TTK: variants seen among roughly 807,000 people sequenced by gnomAD.
TTK encodes the protein dual specificity protein kinase TTK.
In TTK, 59 loss-of-function variants were observed where a neutral mutation model predicts 117.3. The observed-to-expected ratio is 0.50, with a 90% CI of 0.41 to 0.62. The LOEUF (loss-of-function observed/expected upper bound fraction) is 0.62, where lower values mean the gene tolerates loss of function less well. TTK is among the 20% of genes least tolerant of loss of function. The pLI, the probability that TTK is intolerant of heterozygous loss-of-function variation, is 0.00. For missense variants in TTK, 921 were observed against 989.4 expected (o/e 0.93, Z 0.93); for synonymous variants, 302 against 325.0 (o/e 0.93, Z 0.76).
chr6:80,021,933 A>G (rs1767469520), intron 10 of TTK, among the ~76,000 whole-genome samples: 1 of 152,166 alleles, frequency 6.6e-6, no homozygotes, highest in Non-Finnish European at 1.5e-5. Context: ...GAAAGCAAAA[A>G]GGAAAAAAAA....
chr6:80,010,385 T>G (rs1767109535), intron 4 of TTK, among the ~76,000 whole-genome samples: 2 of 151,162 alleles, frequency 1.3e-5, no homozygotes, highest in African/African-American at 4.9e-5. Flanking sequence ...TAAATGTCAT[T>G]ATGAATGATA....
At chr6:80,022,916 C>T (rs906973260) in intron 11 of TTK, among the ~76,000 whole-genome samples, 2 of 152,160 alleles carry the variant, frequency 1.3e-5, no homozygotes, top group African/African-American at 4.8e-5. Flanking sequence ...TCTGAACTAG[C>T]GCAGTGCTGT....
At chr6:80,006,073 C>T (rs762793419) in intron 2 of TTK, 91 bp downstream of exon 2, 137 of 1,490,458 alleles carry the variant, frequency 9.2e-5, no homozygotes, top group Non-Finnish European at 1.2e-4. Context: ...TTATAATTTA[C>T]TCATGTGTTT....
chr6:80,039,840 A>G lies in TTK; in HGVS notation c.2275A>G (p.Ile759Val). 1 of 1,581,920 alleles carries G rather than the reference A, an allele frequency of 6.3e-7. No individual in the cohort carries two copies. The highest frequency in any genetic ancestry group is 1.4e-5 in the African/African-American group (1 of 73,622). Reference sequence around the variant, plus strand: ...TAATCATGAAATTGAATTTCCCGATATTCCAGAGAAAGATCTTCAAGATGT... The same window carrying G: ...TAATCATGAAATTGAATTTCCCGATGTTCCAGAGAAAGATCTTCAAGATGT... Reference protein sequence around the residue: ...DPNHEIEFPDIPEKDLQDVLK... With the variant: ...DPNHEIEFPDVPEKDLQDVLK... The change falls in exon 19 of 22, where the codon ATT becomes GTT. Residue 759 changes from isoleucine (I) to valine (V), a missense_variant. By Grantham distance (29) the Ile-to-Val change is conservative (BLOSUM62 3). Coordinates refer to ENST00000369798, the MANE Select transcript of TTK (RefSeq NM_003318.5).
At chr6:80,040,173 T>G in intron 19 of TTK, 23 bp from the exon 20 acceptor site, 2 of 1,515,954 alleles carry the variant, frequency 1.3e-6, no homozygotes, top group Non-Finnish European at 1.8e-6. Flanking sequence ...TGTTTTTCTT[T>G]TAAAATATCT....
In TTK at chr6:80,039,683, G is replaced by GT. The variant is rs1767995214; in HGVS notation, c.2131-6dup. On this transcript the variant is annotated splice_polypyrimidine_tract_variant and intron_variant, in intron 18 of 21. Transcript: ENST00000369798. ...AACAGCAACTTTTTTGTGTTTGTTT[G>GT]TTTTTTTCTTAGATAAGCCCCAAAA... is the stretch of plus-strand genomic sequence containing the variant. 3 of 1,482,876 alleles carry GT rather than the reference G, an allele frequency of 2.0e-6. No homozygotes were observed. Among genetic ancestry groups the GT allele is most frequent in the Non-Finnish European group, 8.9e-7 (1 of 1,121,906 alleles). The allele number at this position is 1,482,876 out of a possible 1,614,324, so 91.9% of individuals were successfully genotyped here.
At chr6:80,012,768 C>A (rs2127717138) in intron 8 of TTK, among the ~76,000 whole-genome samples, 1 of 152,122 alleles carries the variant, frequency 6.6e-6, no homozygotes. Context: ...AAAGTCTTAT[C>A]ACTATGATTT....
Position 80,010,858 on chromosome 6 carries a change from C to T in TTK, c.514C>T (p.Arg172Cys), listed in dbSNP as rs772451937. ...SKQLLQKAVE[R>C]GAVPLEMLEI... ...ACAACTTCTTCAAAAAGCTGTAGAA[C>T]GTGGAGCAGTACCACTAGAAATGCT... The change falls in exon 5 of 22, where the codon CGT becomes TGT. Residue 172 changes from arginine (R) to cysteine (C), a missense_variant. Coordinates refer to ENST00000369798, the MANE Select transcript of TTK (RefSeq NM_003318.5). The T allele has an allele frequency of 3.8e-5, 62 of 1,611,442 alleles. No individual in the cohort carries two copies. The highest frequency in any genetic ancestry group is 5.1e-5 in the Non-Finnish European group (60 of 1,178,442).
chr6:80,040,916 T>C (rs1768033193), intron 21 of TTK, among the ~76,000 whole-genome samples: 1 of 151,808 alleles, frequency 6.6e-6, no homozygotes, highest in Non-Finnish European at 1.5e-5. Context: ...TCAAAGTAGA[T>C]CATCACATAA....
chr6:80,007,880 A>G lies in TTK; in HGVS notation c.211A>G (p.Lys71Glu). ...NPEDWLSLLL[K>E]LEKNSVPLSD... ...AGAGGACTGGTTGAGTTTGTTGCTC[A>G]AACTAGAGAAAAACAGTGTTCCGCT... is the stretch of plus-strand genomic sequence containing the variant. The change falls in exon 3 of 22, where the codon AAA becomes GAA. Residue 71 changes from lysine to glutamate, a missense_variant. By Grantham distance (56) the Lys-to-Glu change is moderately conservative. Transcript: ENST00000369798. 4 of 1,613,502 alleles carry G rather than the reference A, an allele frequency of 2.5e-6. No homozygotes were observed. Among genetic ancestry groups the G allele is most frequent in the Non-Finnish European group, 2.5e-6 (3 of 1,179,584 alleles).
chr6:80,032,663 C>T (rs1767790399), intron 14 of TTK, among the ~76,000 whole-genome samples: 1 of 152,162 alleles, frequency 6.6e-6, no homozygotes, highest in African/African-American at 2.4e-5. Flanking sequence ...CTCTTACTCT[C>T]ATACACATAT....
intron 10 of TTK, among the ~76,000 whole-genome samples, chr6:80,015,259 G>A (rs1767276431): frequency 6.6e-6 from 1 of 152,160 alleles, no homozygotes; most frequent in Non-Finnish European, 1.5e-5. Context: ...AGGAACAAGA[G>A]ACTGTCTAGT....
At chr6:80,041,147 A>G (rs901161738) in intron 21 of TTK, among the ~76,000 whole-genome samples, 3 of 151,672 alleles carry the variant, frequency 2.0e-5, no homozygotes, top group African/African-American at 7.3e-5. Context: ...TAGCTTCCCA[A>G]TGTCCATTTA....
chr6:80,036,342 A>G (rs1767905357), intron 16 of TTK, 133 bp from the exon 17 acceptor site: 1 of 1,061,736 alleles, frequency 9.4e-7, no homozygotes, highest in East Asian at 2.6e-5. Context: ...ATATTTGCAG[A>G]ATATATAAAA....
intron 10 of TTK, among the ~76,000 whole-genome samples, chr6:80,020,436 G>A (rs1340753052): frequency 1.3e-5 from 2 of 152,128 alleles, no homozygotes; most frequent in African/African-American, 4.8e-5. Flanking sequence ...AAAACAGTGA[G>A]TTTTATCTCA....
chr6:80,026,521 A>G lies in TTK; in HGVS notation c.1394+7A>G. 6.2e-7 allele frequency: 1 copy of G among 1,613,218 alleles called. No individual in the cohort carries two copies. Among genetic ancestry groups the G allele is most frequent in the Non-Finnish European group, 8.5e-7 (1 of 1,179,652 alleles). On this transcript the variant is annotated splice_region_variant and intron_variant, in intron 12 of 21. Transcript: ENST00000369798. ...TGGATGATTACATGAGCTGGTAATT[A>G]CTTTGGCCCCTTGCTTGATTGGCAG...
chr6:80,034,703 A>G (rs1000424087), intron 14 of TTK, among the ~76,000 whole-genome samples: 1 of 152,096 alleles, frequency 6.6e-6, no homozygotes, highest in Non-Finnish European at 1.5e-5. Context: ...TGTTATATAT[A>G]TCTGAAGTTT....
intron 16 of TTK, 21 bp downstream of exon 16, chr6:80,035,438 A>C (rs73476065): frequency 6.3e-7 from 1 of 1,575,408 alleles, no homozygotes; most frequent in Non-Finnish European, 8.6e-7. Flanking sequence ...GTTTTTTTAT[A>C]TTTGTAAGGT....
At chr6:80,005,483 CTA>C (rs1562008666) in intron 1 of TTK, among the ~76,000 whole-genome samples, 1 of 152,180 alleles carries the variant, frequency 6.6e-6, no homozygotes, top group Non-Finnish European at 1.5e-5. Flanking sequence ...TTCTTTATGT[CTA>C]TGTCACTACC....
Sources: gnomAD v4.1 joint callset for allele counts (sites outside exome capture counted in the v4.1 genomes callset) on GRCh38, gnomAD v4.1.1 for gene constraint, MANE v1.5 for transcripts, NCBI Gene and HGNC (gene_info 2026-07-23, HGNC 2026-07-21) for gene names.